Variants in LRIT2 observed in about 807,000 individuals in gnomAD.
The protein encoded by LRIT2 is leucine rich repeat, Ig-like and transmembrane domains 2.
In LRIT2, 23 loss-of-function variants were observed where a neutral mutation model predicts 22.4. The ratio of observed to expected loss-of-function variants is 1.03; its 90% CI spans 0.74 to 1.45. The LOEUF is 1.45. Ranked by LOEUF, LRIT2 falls within the 40% of genes most tolerant of loss-of-function variation. The probability of loss-of-function intolerance (pLI) is 0.00; values close to 1 mark genes in which losing one functional copy is unlikely to be tolerated. For synonymous variants in LRIT2, 291 were observed against 267.1 expected, an observed-to-expected ratio of 1.09 and a Z score of -0.87; for missense variants, 784 against 665.6, an observed-to-expected ratio of 1.18 and a Z score of -1.96.
intron 2 of LRIT2, 32 bp downstream of exon 2, chr10:84,224,300 TC>T: frequency 4.4e-6 from 7 of 1,582,802 alleles, no homozygotes; most frequent in Non-Finnish European, 5.2e-6. Context: ...CTCCATTCCC[TC>T]CAGATACACT....
chr10:84,224,355 C>T lies in LRIT2; in HGVS notation c.870G>A (p.Leu290=). The stretch of plus-strand genomic sequence containing the variant: ...TACCATCAAATTCTCTCCACATACT[C>T]AGGGGATAAGTCCATGCAATGGATG... ...PSPSIAWTYP[L]SMWREFDVLT... is the part of the protein sequence containing the mutation. The change falls in exon 2 of 3, where the codon CTG becomes CTA. Residue 290 remains leucine, a synonymous_variant. Coordinates refer to ENST00000372113, the MANE Select transcript of LRIT2 (RefSeq NM_001017924.5). The T allele has an allele frequency of 1.2e-6, 2 of 1,613,218 alleles. No homozygotes were observed. Among genetic ancestry groups the T allele is most frequent in the Non-Finnish European group, 1.7e-6 (2 of 1,179,614 alleles).
In LRIT2 at chr10:84,222,044, GT is replaced by G. The variant is rs1416609111; in HGVS notation, c.1528del (p.Thr510ProfsTer26). On this transcript the variant is annotated frameshift_variant, in exon 3 of 3. Coordinates refer to ENST00000372113, the MANE Select transcript of LRIT2 (RefSeq NM_001017924.5). LOFTEE classifies it low-confidence loss of function (END_TRUNC). ...ATCCTTGGACTGCGGGGCTGCAGGG[GT>G]GCAGCTGGGGGCTTTCCTGCGATGA... ...CLHRRKAPSC[T>X]PAAPQSKDGS... 6.8e-6 allele frequency: 11 copies of G among 1,610,854 alleles called. No homozygotes were observed. The highest frequency in any genetic ancestry group is 3.3e-5 in the Admixed American group (2 of 59,800).
chr10:84,224,307 A>G, intron 2 of LRIT2, 26 bp downstream of exon 2: 1 of 1,587,344 alleles, frequency 6.3e-7, no homozygotes, highest in Non-Finnish European at 8.6e-7. Flanking sequence ...CCCTCCAGAT[A>G]CACTGAGAGG....
In LRIT2 at chr10:84,222,161, C is replaced by T. The variant is rs1320203373; in HGVS notation, c.1412G>A (p.Cys471Tyr). 1.2e-6 allele frequency: 2 copies of T among 1,613,930 alleles called. No individual in the cohort carries two copies. Among genetic ancestry groups the T allele is most frequent in the East Asian group, 2.2e-5 (1 of 44,884 alleles). The change falls in exon 3 of 3, where the codon TGT (cysteine) becomes TAT (tyrosine). Residue 471 changes from cysteine (C) to tyrosine (Y), a missense_variant. Coordinates refer to ENST00000372113, the MANE Select transcript of LRIT2 (RefSeq NM_001017924.5). ...EHLLHVTVVL[C>Y]VVLLAVPVGA... is the part of the protein sequence containing the mutation. ...CACAGGCACTGCAAGCAGCACCACA[C>T]ACAGGACCACTGTGACATGCAGGAG...
chr10:84,222,770 T>C (rs1842525302), intron 2 of LRIT2, 90 bp from the exon 3 acceptor site: 5 of 1,466,220 alleles, frequency 3.4e-6, no homozygotes, highest in Non-Finnish European at 4.7e-6. Flanking sequence ...TTGTTTTGCT[T>C]TGTTTTTTGT....
In LRIT2 at chr10:84,224,948, C is replaced by T. The variant is rs1842549628; in HGVS notation, c.277G>A (p.Val93Met). 7 of 1,614,140 alleles carry T rather than the reference C, an allele frequency of 4.3e-6. No homozygotes were observed. The highest frequency in any genetic ancestry group is 5.9e-6 in the Non-Finnish European group (7 of 1,180,022). Reference protein sequence around the residue: ...YLWLNFNNISVIHLGALEHLP... With the variant: ...YLWLNFNNISMIHLGALEHLP... ...TGTTCCAGGGCTCCTAGGTGGATCA[C>T]ACTGATATTGTTAAAATTGAGCCAG... The change falls in exon 2 of 3, where the codon GTG (valine) becomes ATG (methionine). Residue 93 changes from valine to methionine, a missense_variant. Coordinates refer to ENST00000372113, the MANE Select transcript of LRIT2 (RefSeq NM_001017924.5).
At position 84,221,615 on chromosome 10, in the gene LRIT2, T is replaced by A. The variant is rs577273431; in HGVS notation, c.*305A>T. ...ATTACGTATAAGCATGTAAATGTTA[T>A]AGGCTAAGTATATGCAAAGAGTAAT... On this transcript the variant is annotated 3_prime_UTR_variant, in exon 3 of 3. Transcript: ENST00000372113. 4.2e-6 allele frequency: 1 copy of A among 237,674 alleles called. No individual in the cohort carries two copies. Among genetic ancestry groups the A allele is most frequent in the Admixed American group, 5.0e-5 (1 of 20,154 alleles). 14.7% of individuals were successfully genotyped at this position (237,674 alleles called of 1,614,324 possible). A position where few individuals can be genotyped will look rare whatever the true frequency, so the allele number is the denominator to read the frequency against.
At chr10:84,225,334 G>C in intron 1 of LRIT2, 77 bp downstream of exon 1, 1 of 1,500,548 alleles carries the variant, frequency 6.7e-7, no homozygotes, top group Non-Finnish European at 9.0e-7. Flanking sequence ...CCAATTCTAA[G>C]CCTGCTTCCA....
intron 2 of LRIT2, 120 bp from the exon 3 acceptor site, chr10:84,222,800 T>C (rs1057067334): frequency 1.6e-6 from 2 of 1,215,770 alleles, no homozygotes; most frequent in East Asian, 2.5e-5. Flanking sequence ...TGTTAGAAGA[T>C]GGTGGTAACC....
rs767381741 is a variant in LRIT2 at position 84,225,119 on chromosome 10, A to C, written c.111-5T>G. On this transcript the variant is annotated splice_region_variant and splice_polypyrimidine_tract_variant and intron_variant, in intron 1 of 2. Coordinates refer to ENST00000372113, the MANE Select transcript of LRIT2 (RefSeq NM_001017924.5). ...ACAGATGTGCACTGCAGAGTCCTGT[A>C]CAAGAAACCAGAACAGCTTTAAGAT... 6.3e-7 allele frequency: 1 copy of C among 1,597,246 alleles called. No individual in the cohort carries two copies. Among genetic ancestry groups the C allele is most frequent in the Non-Finnish European group, 8.5e-7 (1 of 1,171,484 alleles).
Position 84,224,596 on chromosome 10 carries a change from C to A in LRIT2, c.629G>T (p.Gly210Val). 1.9e-6 allele frequency: 3 copies of A among 1,613,556 alleles called. No homozygotes were observed. Among genetic ancestry groups the A allele is most frequent in the Non-Finnish European group, 1.7e-6 (2 of 1,179,596 alleles). The change falls in exon 2 of 3, where the codon GGG becomes GTG. Residue 210 changes from glycine (G) to valine (V), a missense_variant. Gly to Val is a moderately radical substitution (Grantham distance 109, BLOSUM62 -3). Transcript: ENST00000372113. ...NPWVCDCRLR[G>V]LVQFVKSITL... ...AATGGACTTGACAAACTGGACAAGC[C>A]CCCTTAGGCGACAGTCACATACCCA... is the stretch of plus-strand genomic sequence containing the variant.
In LRIT2 at chr10:84,225,013, G is replaced by A. The variant is rs1055050853; in HGVS notation, c.212C>T (p.Pro71Leu). The A allele has an allele frequency of 6.2e-7, 1 of 1,614,030 alleles. No homozygotes were observed. The highest frequency in any genetic ancestry group is 1.1e-5 in the South Asian group (1 of 91,078). Residue 71 changes from proline to leucine, a missense_variant, in exon 2 of 3, where the codon CCC becomes CTC. Transcript: ENST00000372113. ...RIENSPLFEM[P>L]QGSFINMSTL... is the part of the protein sequence containing the mutation. ...GCTCATGTTGATGAAAGACCCTTGG[G>A]GCATCTCAAATAAGGGTGAATTTTC...
chr10:84,222,773 T>C (rs988045745), intron 2 of LRIT2, 93 bp from the exon 3 acceptor site: 90 of 1,449,558 alleles, frequency 6.2e-5, no homozygotes, highest in Non-Finnish European at 7.9e-5. Context: ...TTTTGCTTTG[T>C]TTTTTGTTAT....
Position 84,224,730 on chromosome 10 carries a change from A to G in LRIT2, c.495T>C (p.Val165=), listed in dbSNP as rs1842545904. 6.2e-7 allele frequency: 1 copy of G among 1,614,032 alleles called. No homozygotes were observed. Residue 165 remains valine (V), a synonymous_variant, in exon 2 of 3, where the codon GTT becomes GTC. Transcript: ENST00000372113. Reference sequence around the variant, plus strand: ...AGTTCAGGAAGACACTCTTGGATACAACTGTAAGCCTATTGGAGGATAGGT... The same window carrying G: ...AGTTCAGGAAGACACTCTTGGATACGACTGTAAGCCTATTGGAGGATAGGT... ...YLDLSSNRLT[V]VSKSVFLNWP... is the part of the protein sequence containing the mutation.
At position 84,222,400 on chromosome 10, in the gene LRIT2, C is replaced by G; in HGVS notation, c.1173G>C (p.Glu391Asp). ...EWLAVADTSK[E>D]EWFTLYIASD... ...ATGCAATGTAGAGGGTGAACCACTC[C>G]TCCTTAGAGGTGTCAGCCACTGCAA... Residue 391 changes from glutamate (E) to aspartate (D), a missense_variant, in exon 3 of 3, where the codon GAG becomes GAC. Coordinates refer to ENST00000372113, the MANE Select transcript of LRIT2 (RefSeq NM_001017924.5). 2 of 1,614,142 alleles carry G rather than the reference C, an allele frequency of 1.2e-6. No individual in the cohort carries two copies. Among genetic ancestry groups the G allele is most frequent in the Non-Finnish European group, 1.7e-6 (2 of 1,180,036 alleles).
In LRIT2 at chr10:84,225,046, A is replaced by G. The variant is rs1238810010; in HGVS notation, c.179T>C (p.Val60Ala). ...PGNLSEEFKQVRIENSPLFEM... is the reference protein window; with the variant it reads ...PGNLSEEFKQARIENSPLFEM... ...AAATAAGGGTGAATTTTCAATTCTC[A>G]CTTGCTTGAACTCTTCAGAAAGGTT... Residue 60 changes from valine to alanine, a missense_variant, in exon 2 of 3, where the codon GTG (valine) becomes GCG (alanine). Val to Ala is a moderately conservative substitution (Grantham distance 64). Coordinates refer to ENST00000372113, the MANE Select transcript of LRIT2 (RefSeq NM_001017924.5). The G allele has an allele frequency of 1.2e-6, 2 of 1,614,114 alleles. No homozygotes were observed. Among genetic ancestry groups the G allele is most frequent in the South Asian group, 1.1e-5 (1 of 91,086 alleles).
rs1191448671 is a variant in LRIT2, at chr10:84,221,832, C to T, written c.*88G>A. 5.2e-6 allele frequency: 7 copies of T among 1,355,366 alleles called. No individual in the cohort carries two copies. The highest frequency in any genetic ancestry group is 3.1e-5 in the South Asian group (2 of 63,898). 84.0% of individuals were successfully genotyped at this position (1,355,366 alleles called of 1,614,324 possible). A position where few individuals can be genotyped will look rare whatever the true frequency, so the allele number is the denominator to read the frequency against. Reference sequence around the variant, plus strand: ...GAACACAGTGGGTGCTCAATATATACTTGCTGGATAAATGGATGGAGCTGC... The same window carrying T: ...GAACACAGTGGGTGCTCAATATATATTTGCTGGATAAATGGATGGAGCTGC... On this transcript the variant is annotated 3_prime_UTR_variant, in exon 3 of 3. Transcript: ENST00000372113.
chr10:84,222,032 G>A lies in LRIT2; in HGVS notation c.1541C>T (p.Pro514Leu), dbSNP rs753881269. 64 of 1,610,426 alleles carry A rather than the reference G, an allele frequency of 4.0e-5. No individual in the cohort carries two copies. Among genetic ancestry groups the A allele is most frequent in the Admixed American group, 5.0e-5 (3 of 59,746 alleles). The change falls in exon 3 of 3, where the codon CCG becomes CTG. Residue 514 changes from proline (P) to leucine (L), a missense_variant. Coordinates refer to ENST00000372113, the MANE Select transcript of LRIT2 (RefSeq NM_001017924.5). ...TCTAAAGGAGCCATCCTTGGACTGC[G>A]GGGCTGCAGGGGTGCAGCTGGGGGC... is the stretch of plus-strand genomic sequence containing the variant. The part of the protein sequence containing the change: ...RKAPSCTPAA[P>L]QSKDGSFREH...
intron 2 of LRIT2, 173 bp from the exon 3 acceptor site, chr10:84,222,853 C>G (rs1180958892): frequency 2.7e-6 from 2 of 740,390 alleles, no homozygotes; most frequent in African/African-American, 3.5e-5. Context: ...TGCCTCCCAG[C>G]AATCCTGTAA....
Sources: allele counts gnomAD v4.1 joint callset, GRCh38; gene constraint gnomAD v4.1.1; transcripts MANE v1.5; gene names NCBI Gene and HGNC (gene_info 2026-07-23, HGNC 2026-07-21).